Variants in SLC2A9 observed in about 807,000 individuals in gnomAD.
SLC2A9 encodes solute carrier family 2, facilitated glucose transporter member 9.
Under a neutral mutation model 50.6 loss-of-function variants are expected in SLC2A9, and 39 were observed. The observed-to-expected ratio is 0.77, with a 90% CI of 0.60 to 1.01. The LOEUF (loss-of-function observed/expected upper bound fraction) is 1.01. Ranked by LOEUF, SLC2A9 falls within the 50% of genes least tolerant of loss-of-function variation. SLC2A9 has a pLI of 0.00. For synonymous variants in SLC2A9, 324 were observed against 276.9 expected (o/e 1.17, Z -1.69); for missense variants, 686 against 677.6 (o/e 1.01, Z -0.14).
downstream of SLC2A9, among the ~76,000 whole-genome samples, chr4:9,796,137 A>T (rs886748853): frequency 8.5e-5 from 13 of 152,144 alleles, no homozygotes; most frequent in African/African-American, 3.1e-4. Flanking sequence ...TCTCATGGCT[A>T]TGTGGCTCAC....
chr4:9,999,514 G>A (rs138948743), intron 2 of SLC2A9, among the ~76,000 whole-genome samples: 78 of 152,266 alleles, frequency 5.1e-4, no homozygotes, highest in African/African-American at 1.7e-3. Flanking sequence ...TCCAGGCAGA[G>A]GGAGAATTAT....
Position 9,927,030 on chromosome 4 carries a change from AT to A in SLC2A9, c.815-6459del, listed in dbSNP as rs35095818. Among the ~76,000 whole-genome samples the A allele has an allele frequency of 7.5e-3, 1,012 of 135,816 alleles. 6 individuals are homozygous for A. The highest frequency in any genetic ancestry group is 0.019 in the African/African-American group (681 of 36,418). The allele number at this position is 135,816 out of a possible 152,430, so 89.1% of individuals were successfully genotyped here. ...TGAGGGAATCCATTTCTGTTGTTCG[AT>A]TTTTTTTTTTTTTTTTTTACAGAGT... On this transcript the variant is annotated intron_variant, in intron 6 of 11. Transcript: ENST00000264784.
intron 3 of SLC2A9, among the ~76,000 whole-genome samples, chr4:9,810,596 G>C (rs1229736075): frequency 6.6e-6 from 1 of 152,202 alleles, no homozygotes; most frequent in Non-Finnish European, 1.5e-5. Context: ...ACTAATTTTT[G>C]CTGCAAAAAT....
At chr4:9,917,278 A>C (rs948570715) in intron 7 of SLC2A9, among the ~76,000 whole-genome samples, 2 of 152,000 alleles carry the variant, frequency 1.3e-5, no homozygotes, top group African/African-American at 4.8e-5. Flanking sequence ...TTTAGAAATA[A>C]ATAAATAAAT....
intron 11 of SLC2A9, among the ~76,000 whole-genome samples, chr4:9,832,121 C>G (rs1436462646): frequency 6.6e-6 from 1 of 152,296 alleles, no homozygotes; most frequent in South Asian, 2.1e-4. Flanking sequence ...AGTAGATGAA[C>G]ACAGTAGCTC....
At chr4:10,026,766 G>A (rs13149985) in intron 1 of SLC2A9, among the ~76,000 whole-genome samples, 67,502 of 152,100 alleles carry the variant, frequency 0.44, 16,432 homozygotes, top group South Asian at 0.59. Flanking sequence ...GACACAGGCC[G>A]GGCATGGTGG....
chr4:9,846,804 A>C (rs1357004585), intron 10 of SLC2A9, among the ~76,000 whole-genome samples: 1 of 152,214 alleles, frequency 6.6e-6, no homozygotes, highest in Non-Finnish European at 1.5e-5. Flanking sequence ...ACTTTTCCTT[A>C]ATTCATATTT....
At chr4:9,947,871 C>G (rs1292423693) in intron 5 of SLC2A9, among the ~76,000 whole-genome samples, 1 of 152,056 alleles carries the variant, frequency 6.6e-6, no homozygotes, top group African/African-American at 2.4e-5. Flanking sequence ...GCAGGCTGTC[C>G]CCTCCCTCTT....
intron 3 of SLC2A9, among the ~76,000 whole-genome samples, chr4:9,800,892 T>C (rs1383205981): frequency 6.6e-6 from 1 of 152,138 alleles, no homozygotes; most frequent in Admixed American, 6.5e-5. Flanking sequence ...TAGCCATGGA[T>C]ACCGAGGGAC....
In SLC2A9 at chr4:9,983,498, C is replaced by A. The variant is rs137990141; in HGVS notation, c.535+2171G>T. On this transcript the variant is annotated intron_variant, in intron 4 of 11. Coordinates refer to ENST00000264784, the MANE Select transcript of SLC2A9 (RefSeq NM_020041.3). ...GGCCCCCCTGGCCCAGGGTGGGAAG[C>A]CAAGAAATGAGCTGGCCCACTGACA... 2.6e-3 allele frequency among the ~76,000 whole-genome samples: 389 copies of A among 152,298 alleles called. 6 individuals carry two copies. Among genetic ancestry groups the A allele is most frequent in the African/African-American group, 9.1e-3 (380 of 41,560 alleles).
At position 9,833,315 on chromosome 4, in the gene SLC2A9, T is replaced by G. The variant is rs188762362; in HGVS notation, c.1419+1566A>C. On this transcript the variant is annotated intron_variant, in intron 11 of 11. Coordinates refer to ENST00000264784, the MANE Select transcript of SLC2A9 (RefSeq NM_020041.3). ...TTTGTTGCTAAAACACAAAGATGTC[T>G]TGAAAGTTACAGGGTGTGGCAGCCT... Among the ~76,000 whole-genome samples, 183 of 152,244 alleles carry G rather than the reference T, an allele frequency of 1.2e-3. 1 individual carries two copies. The highest frequency in any genetic ancestry group is 4.2e-3 in the African/African-American group (174 of 41,528).
intron 3 of SLC2A9, among the ~76,000 whole-genome samples, chr4:9,817,675 G>A (rs940504324): frequency 3.9e-5 from 6 of 152,064 alleles, no homozygotes; most frequent in Non-Finnish European, 8.8e-5. Context: ...TAAATGAATG[G>A]GACTTCATTA....
At chr4:9,778,053 T>TTTCTTTCCTTCC (rs1286016339), downstream of SLC2A9, among the ~76,000 whole-genome samples, 1 of 14,052 alleles carries the variant, frequency 7.1e-5, no homozygotes, top group South Asian at 1.5e-3. Flanking sequence ...TCTTTCTTTC[T>TTTCTTTCCTTCC]TTCCTTCCTT....
At position 9,809,967 on chromosome 4, in the gene SLC2A9, C is replaced by T. The variant is rs529672604; in HGVS notation, n.421-10726G>A. Among the ~76,000 whole-genome samples, 18 of 152,024 alleles carry T rather than the reference C, an allele frequency of 1.2e-4. No homozygotes were observed. The East Asian group carries it at 3.5e-3, about 30-fold the overall frequency. ...TATTTTATAGGTGGGCACCTGAAGC[C>T]CACGAGTAACATTTTGATGCTATTC... On this transcript the variant is annotated intron_variant and non_coding_transcript_variant, in intron 3 of 3. Coordinates refer to the SLC2A9 transcript ENST00000503280.
intron 2 of SLC2A9, among the ~76,000 whole-genome samples, chr4:10,001,836 G>A (rs183280125): frequency 4.6e-5 from 7 of 152,272 alleles, no homozygotes; most frequent in Admixed American, 1.3e-4. Flanking sequence ...CCCTCTTCCC[G>A]CCTGGGAGAC....
In SLC2A9 at chr4:9,956,866, A is replaced by G. The variant is rs796522192; in HGVS notation, c.682-14821T>C. Among the ~76,000 whole-genome samples, 21 of 152,326 alleles carry G rather than the reference A, an allele frequency of 1.4e-4. 2 individuals carry two copies. Among genetic ancestry groups the G allele is most frequent in the African/African-American group, 4.8e-4 (20 of 41,582 alleles). The stretch of plus-strand genomic sequence containing the variant: ...CAGACATTTCAAAGGTATTAACCAC[A>G]AGGACATGGGAATGCAAGAAATGGC... On this transcript the variant is annotated intron_variant, in intron 5 of 11. Coordinates refer to ENST00000264784, the MANE Select transcript of SLC2A9 (RefSeq NM_020041.3).
In SLC2A9 at chr4:9,826,409, A is replaced by G; in HGVS notation, c.1611T>C (p.Asn537=). Residue 537 remains asparagine (N), a synonymous_variant, in exon 12 of 12, where the codon AAT becomes AAC. Coordinates refer to ENST00000264784, the MANE Select transcript of SLC2A9 (RefSeq NM_020041.3). ...IDSAVTDGKI[N]GRP is the part of the protein sequence containing the mutation. The stretch of plus-strand genomic sequence containing the variant: ...AGGAGGAAACTTGTTAAGGCCTTCC[A>G]TTTATCTTACCATCAGTGACAGCTG... 1.2e-6 allele frequency: 2 copies of G among 1,614,076 alleles called. No individual in the cohort carries two copies. The highest frequency in any genetic ancestry group is 1.3e-5 in the African/African-American group (1 of 75,030).
In SLC2A9 at chr4:10,019,041, G is replaced by A. The variant is rs1763147113; in HGVS notation, c.183C>T (p.Leu61=). The change falls in exon 2 of 12, where the codon CTC becomes CTT. Residue 61 remains leucine (L), a synonymous_variant. Coordinates refer to ENST00000264784, the MANE Select transcript of SLC2A9 (RefSeq NM_020041.3). ...GGAAGGAGGAGCCGAAGGCGCCCGC[G>A]AGGGAGGCCACGAGGAGCGAGCAGG... ...DWSCSLLVAS[L]AGAFGSSFLY... 1 of 1,551,118 alleles carries A rather than the reference G, an allele frequency of 6.4e-7. No homozygotes were observed.
chr4:9,979,910 C>G lies in SLC2A9; in HGVS notation c.681+682G>C, dbSNP rs187507229. On this transcript the variant is annotated intron_variant, in intron 5 of 11. Coordinates refer to ENST00000264784, the MANE Select transcript of SLC2A9 (RefSeq NM_020041.3). Reference sequence around the variant, plus strand: ...ACTGATTTCCTTTCTCTGGTATATCCTCTGTCCCAATCCCCATCATCACCT... The same window carrying G: ...ACTGATTTCCTTTCTCTGGTATATCGTCTGTCCCAATCCCCATCATCACCT... Among the ~76,000 whole-genome samples the G allele has an allele frequency of 3.3e-5, 5 of 152,246 alleles. No individual in the cohort carries two copies. In the East Asian group the frequency reaches 9.6e-4, roughly 29 times the overall value.
Sources: allele counts gnomAD v4.1 joint callset (sites outside exome capture counted in the v4.1 genomes callset), GRCh38; gene constraint gnomAD v4.1.1; transcripts MANE v1.5; gene names NCBI Gene and HGNC (gene_info 2026-07-23, HGNC 2026-07-21).